ZNF845: variants seen among roughly 807,000 people sequenced by gnomAD.
The protein encoded by ZNF845 is zinc finger protein 845.
A neutral mutation model predicts 76.1 loss-of-function variants in ZNF845; 59 were observed. The observed-to-expected ratio is 0.78, with a 90% CI of 0.63 to 0.96. The LOEUF (loss-of-function observed/expected upper bound fraction) is 0.96. Among genes scored for constraint, ZNF845 ranks in the 40% least tolerant of loss-of-function variants. The pLI is 0.00. For missense variants in ZNF845, 1,045 were observed against 1,172.8 expected (o/e 0.89, Z 1.59); for synonymous variants, 361 against 386.9 (o/e 0.93, Z 0.78).
chr19:53,350,999 C>A lies in ZNF845; in HGVS notation c.324C>A (p.Ser108Arg), dbSNP rs369961343. ...AGTGGAAAGAAGATGAAAGAAATAG[C>A]CATGAAGCACCCATGACAGAAATCA... ...EFQWKEDERN[S>R]HEAPMTEIKQ... The change falls in exon 4 of 4, where the codon AGC becomes AGA. Residue 108 changes from serine to arginine, a missense_variant. Coordinates refer to ENST00000458035, the MANE Select transcript of ZNF845 (RefSeq NM_138374.3). 6.2e-7 allele frequency: 1 copy of A among 1,614,102 alleles called. No individual in the cohort carries two copies. Among genetic ancestry groups the A allele is most frequent in the Non-Finnish European group, 8.5e-7 (1 of 1,180,014 alleles).
At chr19:53,345,231 C>G (rs62115322) in intron 2 of ZNF845, among the ~76,000 whole-genome samples, 27,367 of 151,980 alleles carry the variant, frequency 0.18, 2,640 homozygotes, top group Admixed American at 0.27. Flanking sequence ...CAAGAGAATT[C>G]CTTGAACCTG....
intron 1 of ZNF845, among the ~76,000 whole-genome samples, chr19:53,334,745 C>CA (rs376494549): frequency 0.42 from 59,771 of 141,072 alleles, 12,633 homozygotes; most frequent in Admixed American, 0.46. Context: ...CCATCTCTGT[C>CA]AAAAAAAAAA....
Position 53,356,399 on chromosome 19 carries a change from G to A in ZNF845, c.*2811G>A, listed in dbSNP as rs567594735. The A allele has an allele frequency of 6.6e-6, 1 of 152,204 alleles. No homozygotes were observed. The highest frequency in any genetic ancestry group is 1.5e-5 in the Non-Finnish European group (1 of 68,084). The allele number at this position is 152,204 out of a possible 1,614,324, so 9.4% of individuals were successfully genotyped here. A position where few individuals can be genotyped will look rare whatever the true frequency, so the allele number is the denominator to read the frequency against. On this transcript the variant is annotated 3_prime_UTR_variant, in exon 4 of 4. Coordinates refer to ENST00000458035, the MANE Select transcript of ZNF845 (RefSeq NM_138374.3). ...TAAAAGTAAAAAAAGTCAGCCAGGT[G>A]TGGTGGTGCACTGCTGTGGTCCCAG...
In ZNF845 at chr19:53,351,339, A is replaced by G. The variant is rs773740031; in HGVS notation, c.664A>G (p.Lys222Glu). 8.1e-6 allele frequency: 13 copies of G among 1,614,110 alleles called. No individual in the cohort carries two copies. Among genetic ancestry groups the G allele is most frequent in the Admixed American group, 1.7e-5 (1 of 60,004 alleles). Residue 222 changes from lysine to glutamate, a missense_variant, in exon 4 of 4, where the codon AAA becomes GAA. By Grantham distance (56) the Lys-to-Glu change is moderately conservative. Coordinates refer to ENST00000458035, the MANE Select transcript of ZNF845 (RefSeq NM_138374.3). ...EKSFQCNESG[K>E]AFNYSSVLRK... is the part of the protein sequence containing the mutation. ...ATCTTTCCAATGTAATGAGAGTGGC[A>G]AAGCCTTTAATTATAGCTCAGTCTT... is the stretch of plus-strand genomic sequence containing the variant.
rs1264983861 is a variant in ZNF845 at position 53,354,418 on chromosome 19, C to T, written c.*830C>T. Reference sequence around the variant, plus strand: ...AGGCGGGGTGGCTCACGCCTGTAATCCCAGCACTTTGGGAGGCCAAGACCA... The same window carrying T: ...AGGCGGGGTGGCTCACGCCTGTAATTCCAGCACTTTGGGAGGCCAAGACCA... On this transcript the variant is annotated 3_prime_UTR_variant, in exon 4 of 4. Coordinates refer to ENST00000458035, the MANE Select transcript of ZNF845 (RefSeq NM_138374.3). 1 of 249,064 alleles carries T rather than the reference C, an allele frequency of 4.0e-6. No homozygotes were observed. Among genetic ancestry groups the T allele is most frequent in the Non-Finnish European group, 8.2e-6 (1 of 121,478 alleles). The allele number at this position is 249,064 out of a possible 1,614,324, so 15.4% of individuals were successfully genotyped here.
At chr19:53,346,824 A>G (rs1164394262) in intron 3 of ZNF845, among the ~76,000 whole-genome samples, 1 of 152,176 alleles carries the variant, frequency 6.6e-6, no homozygotes, top group African/African-American at 2.4e-5. Flanking sequence ...AAATAATAGG[A>G]AAGTTGTGTT....
chr19:53,341,049 G>A (rs78307531), intron 1 of ZNF845, 186 bp from the exon 2 acceptor site: 11,823 of 602,808 alleles, frequency 0.02, 380 homozygotes, highest in East Asian at 0.13. Flanking sequence ...GTCCATATTG[G>A]CTGCTCTGCA....
intron 1 of ZNF845, among the ~76,000 whole-genome samples, chr19:53,337,588 C>A (rs1170352416): frequency 2.6e-5 from 4 of 151,864 alleles, no homozygotes; most frequent in African/African-American, 9.7e-5. Flanking sequence ...TTTAATTTTA[C>A]TTTTGAGTTT....
In ZNF845 at chr19:53,356,568, C is replaced by T. The variant is rs1022942664; in HGVS notation, c.*2980C>T. Reference sequence around the variant, plus strand: ...AGCAAATAAATGAGAGGCATAATTCCTCCTTTGAGAATAAAGGAAAAGATT... The same window carrying T: ...AGCAAATAAATGAGAGGCATAATTCTTCCTTTGAGAATAAAGGAAAAGATT... On this transcript the variant is annotated 3_prime_UTR_variant, in exon 4 of 4. Transcript: ENST00000458035. 3 of 150,862 alleles carry T rather than the reference C, an allele frequency of 2.0e-5. No homozygotes were observed. The highest frequency in any genetic ancestry group is 3.0e-5 in the Non-Finnish European group (2 of 67,742). The allele number at this position is 150,862 out of a possible 1,614,324, so 9.3% of individuals were successfully genotyped here.
intron 1 of ZNF845, among the ~76,000 whole-genome samples, chr19:53,339,597 A>C (rs866019443): frequency 9.9e-5 from 15 of 152,208 alleles, no homozygotes; most frequent in African/African-American, 3.4e-4. Context: ...AGCCAATGTC[A>C]TTGCCAAGTC....
intron 3 of ZNF845, 36 bp from the exon 4 acceptor site, chr19:53,350,782 C>G (rs771984697): frequency 1.3e-6 from 2 of 1,597,024 alleles, no homozygotes; most frequent in Non-Finnish European, 8.5e-7. Context: ...ACCATCTATA[C>G]TTAAGTGGAA....
Position 53,354,837 on chromosome 19 carries a change from T to G in ZNF845, c.*1249T>G, listed in dbSNP as rs2085373206. Reference sequence around the variant, plus strand: ...TATTCTGCAAATACATTGAGTGGGTTTATTAGTATCAGTAAAATCTTGGTT... The same window carrying G: ...TATTCTGCAAATACATTGAGTGGGTGTATTAGTATCAGTAAAATCTTGGTT... On this transcript the variant is annotated 3_prime_UTR_variant, in exon 4 of 4. Transcript: ENST00000458035. 6.6e-6 allele frequency: 1 copy of G among 152,128 alleles called. No individual in the cohort carries two copies. The highest frequency in any genetic ancestry group is 1.5e-5 in the Non-Finnish European group (1 of 68,012). The allele number at this position is 152,128 out of a possible 1,614,324, so 9.4% of individuals were successfully genotyped here. A position where few individuals can be genotyped will look rare whatever the true frequency, so the allele number is the denominator to read the frequency against.
At chr19:53,340,489 T>A (rs73935559) in intron 1 of ZNF845, among the ~76,000 whole-genome samples, 7,459 of 152,230 alleles carry the variant, frequency 0.049, 407 homozygotes, top group African/African-American at 0.13. Context: ...CCTTCATGTG[T>A]CCAAAGGTGA....
chr19:53,339,130 A>T (rs906365573), intron 1 of ZNF845, among the ~76,000 whole-genome samples: 1 of 152,044 alleles, frequency 6.6e-6, no homozygotes, highest in Non-Finnish European at 1.5e-5. Flanking sequence ...TATAATGTAA[A>T]TGTGGAGCAC....
chr19:53,337,629 C>T (rs1241598002), intron 1 of ZNF845, among the ~76,000 whole-genome samples: 1 of 152,100 alleles, frequency 6.6e-6, no homozygotes, highest in East Asian at 1.9e-4. Flanking sequence ...AGTGCAGTGG[C>T]GTAATCATGG....
chr19:53,348,272 A>G (rs974520294), intron 3 of ZNF845, among the ~76,000 whole-genome samples: 1 of 152,162 alleles, frequency 6.6e-6, no homozygotes, highest in Non-Finnish European at 1.5e-5. Flanking sequence ...AATCTCAAAA[A>G]CAAACAAAAA....
chr19:53,343,324 G>T (rs1433202308), intron 2 of ZNF845, among the ~76,000 whole-genome samples: 2 of 151,908 alleles, frequency 1.3e-5, no homozygotes, highest in Non-Finnish European at 2.9e-5. Flanking sequence ...TTGACTGGAT[G>T]ACCTGTGTGT....
Position 53,352,226 on chromosome 19 carries a change from T to C in ZNF845, c.1551T>C (p.His517=), listed in dbSNP as rs1437069416. 1 of 1,613,790 alleles carries C rather than the reference T, an allele frequency of 6.2e-7. No homozygotes were observed. Among genetic ancestry groups the C allele is most frequent in the Non-Finnish European group, 8.5e-7 (1 of 1,179,882 alleles). The part of the protein sequence containing the change: ...KSNLERHRII[H]TGEKLYKCNE... ...ACCTTGAAAGACATAGGATAATTCA[T>C]ACTGGAGAGAAACTTTACAAGTGTA... The change falls in exon 4 of 4, where the codon CAT becomes CAC. Residue 517 remains histidine (H), a synonymous_variant. Coordinates refer to ENST00000458035, the MANE Select transcript of ZNF845 (RefSeq NM_138374.3).
intron 2 of ZNF845, among the ~76,000 whole-genome samples, chr19:53,344,839 A>G (rs2147038239): frequency 6.6e-6 from 1 of 151,990 alleles, no homozygotes. Context: ...GGATTTCTCC[A>G]TGTTGGTCAG....
Sources: gnomAD v4.1 joint callset for allele counts (sites outside exome capture counted in the v4.1 genomes callset) on GRCh38, gnomAD v4.1.1 for gene constraint, MANE v1.5 for transcripts, NCBI Gene and HGNC (gene_info 2026-07-23, HGNC 2026-07-21) for gene names.